Variants in CSMD1 observed in about 807,000 individuals in gnomAD.
CSMD1 encodes the protein CUB and Sushi multiple domains 1, also known as CUB and sushi domain-containing protein 1.
Under a neutral mutation model 417.5 loss-of-function variants are expected in CSMD1, and 213 were observed. That is an observed-to-expected ratio of 0.51 (90% CI 0.46 to 0.57). CSMD1 has a LOEUF of 0.57. CSMD1 is among the 20% of genes least tolerant of loss of function. The pLI is 0.00. For synonymous variants in CSMD1, 2,862 were observed against 1,736.8 expected (o/e 1.65, Z -16.11); for missense variants, 6,923 against 4,529.7 (o/e 1.53, Z -15.17).
chr8:3,601,542 C>T (rs750426881), intron 8 of CSMD1, among the ~76,000 whole-genome samples: 1 of 152,104 alleles, frequency 6.6e-6, no homozygotes, highest in Non-Finnish European at 1.5e-5. Flanking sequence ...ACAGCAGGCA[C>T]TTATAAAAGG....
chr8:3,872,717 T>G (rs1805558905), intron 5 of CSMD1, among the ~76,000 whole-genome samples: 1 of 152,108 alleles, frequency 6.6e-6, no homozygotes, highest in Admixed American at 6.6e-5. Flanking sequence ...TTGTTCTCAC[T>G]ATTAACAGAG....
intron 6 of CSMD1, among the ~76,000 whole-genome samples, chr8:3,752,625 G>A (rs1228308817): frequency 7.7e-6 from 1 of 130,080 alleles, no homozygotes; most frequent in African/African-American, 3.0e-5. Context: ...CTGCACTCCA[G>A]CCCAGACAAC....
At chr8:3,524,519 G>A (rs1261316176) in intron 10 of CSMD1, among the ~76,000 whole-genome samples, 4 of 131,524 alleles carry the variant, frequency 3.0e-5, no homozygotes, top group African/African-American at 9.0e-5. Flanking sequence ...ATGCACACAT[G>A]CAAAGACATA....
rs149080037 is a variant in CSMD1 at position 4,963,214 on chromosome 8, T to A, written c.85+31118A>T. Among the ~76,000 whole-genome samples, 155 of 152,298 alleles carry A rather than the reference T, an allele frequency of 1.0e-3. 3 individuals carry two copies. In the East Asian group the frequency reaches 0.013, roughly 13 times the overall value. On this transcript the variant is annotated intron_variant, in intron 1 of 69. Coordinates refer to ENST00000635120, the MANE Select transcript of CSMD1 (RefSeq NM_033225.6). Reference sequence around the variant, plus strand: ...ACTTTATTTATTTACTTATTTATTTTATTTGAGATGGAGTCTTGCTCTGTC... The same window carrying A: ...ACTTTATTTATTTACTTATTTATTTAATTTGAGATGGAGTCTTGCTCTGTC...
chr8:4,678,458 T>C (rs1014985998), intron 1 of CSMD1, among the ~76,000 whole-genome samples: 15 of 152,162 alleles, frequency 9.9e-5, no homozygotes, highest in Non-Finnish European at 7.3e-5. Flanking sequence ...ACTATCACAT[T>C]TTTATTATCA....
chr8:4,228,951 G>C (rs901362420), intron 3 of CSMD1, among the ~76,000 whole-genome samples: 1 of 152,082 alleles, frequency 6.6e-6, no homozygotes, highest in African/African-American at 2.4e-5. Context: ...ACAGGAGTGA[G>C]CCACTGAGCC....
intron 5 of CSMD1, among the ~76,000 whole-genome samples, chr8:3,922,332 ACT>A (rs1809334838): frequency 6.6e-6 from 1 of 151,788 alleles, no homozygotes; most frequent in Admixed American, 6.6e-5. Flanking sequence ...CAATTCAGTC[ACT>A]CTGTCTTTGG....
At chr8:3,467,631 A>T (rs899825184) in intron 12 of CSMD1, among the ~76,000 whole-genome samples, 1 of 152,222 alleles carries the variant, frequency 6.6e-6, no homozygotes, top group East Asian at 1.9e-4. Context: ...TATGCTTTGT[A>T]GATGAGGATA....
chr8:4,153,589 G>A (rs983140472), intron 3 of CSMD1, among the ~76,000 whole-genome samples: 3 of 152,214 alleles, frequency 2.0e-5, no homozygotes, highest in Non-Finnish European at 4.4e-5. Flanking sequence ...TTCCGTCACA[G>A]GGTGCCCTGA....
At chr8:4,712,457 A>T (rs1482828412) in intron 1 of CSMD1, among the ~76,000 whole-genome samples, 2 of 152,068 alleles carry the variant, frequency 1.3e-5, no homozygotes, top group East Asian at 3.9e-4. Flanking sequence ...CCTTCTCACA[A>T]TTTTTTTTCC....
At chr8:4,655,541 C>T (rs1471951278) in intron 1 of CSMD1, among the ~76,000 whole-genome samples, 2 of 152,070 alleles carry the variant, frequency 1.3e-5, no homozygotes, top group Middle Eastern at 6.3e-3. Flanking sequence ...TTTACTTCCA[C>T]TGACATTTTA....
At chr8:4,411,246 C>G (rs1457022376) in intron 3 of CSMD1, among the ~76,000 whole-genome samples, 1 of 152,060 alleles carries the variant, frequency 6.6e-6, no homozygotes, top group African/African-American at 2.4e-5. Flanking sequence ...TATTTTGTTA[C>G]TGAAAATTGA....
chr8:4,268,865 C>G (rs1039140866), intron 3 of CSMD1, among the ~76,000 whole-genome samples: 12 of 152,124 alleles, frequency 7.9e-5, no homozygotes, highest in African/African-American at 2.7e-4. Context: ...AAACAAATCC[C>G]TTTCCACATA....
intron 7 of CSMD1, among the ~76,000 whole-genome samples, chr8:3,690,084 C>G (rs543409238): frequency 6.6e-6 from 1 of 152,248 alleles, no homozygotes; most frequent in East Asian, 1.9e-4. Context: ...CTAGGCTGCG[C>G]GTAGTGGCCA....
intron 3 of CSMD1, among the ~76,000 whole-genome samples, chr8:4,329,714 C>G (rs192660729): frequency 6.6e-6 from 1 of 152,016 alleles, no homozygotes; most frequent in Non-Finnish European, 1.5e-5. Context: ...AGATGAGGTC[C>G]GGTGGGAGGT....
chr8:3,745,224 C>G (rs141264238), intron 6 of CSMD1, among the ~76,000 whole-genome samples: 2,349 of 152,248 alleles, frequency 0.015, 26 homozygotes, highest in South Asian at 0.027. Context: ...AAATTGTAGA[C>G]TATGCCATGG....
At chr8:4,315,270 A>G (rs1328249153) in intron 3 of CSMD1, among the ~76,000 whole-genome samples, 1 of 152,146 alleles carries the variant, frequency 6.6e-6, no homozygotes, top group Non-Finnish European at 1.5e-5. Context: ...AGGGTTTATG[A>G]AAACTGAGAC....
At chr8:4,710,652 T>A (rs1484702665) in intron 1 of CSMD1, among the ~76,000 whole-genome samples, 2 of 151,258 alleles carry the variant, frequency 1.3e-5, no homozygotes, top group Non-Finnish European at 3.0e-5. Context: ...GAGACCACCC[T>A]GGCTAACAAG....
At chr8:4,612,020 A>G in intron 2 of CSMD1, among the ~76,000 whole-genome samples, 1 of 152,106 alleles carries the variant, frequency 6.6e-6, no homozygotes, top group East Asian at 1.9e-4. Flanking sequence ...TTAACCATCT[A>G]ATTGGAATGA....
Sources: allele counts gnomAD v4.1 joint callset (sites outside exome capture counted in the v4.1 genomes callset), GRCh38; gene constraint gnomAD v4.1.1; transcripts MANE v1.5; gene names NCBI Gene and HGNC (gene_info 2026-07-23, HGNC 2026-07-21).